VPS53: variants seen among roughly 807,000 people sequenced by gnomAD.
VPS53 encodes vacuolar protein sorting-associated protein 53 homolog.
A neutral mutation model predicts 107.0 loss-of-function variants in VPS53; 70 were observed. The ratio of observed to expected loss-of-function variants is 0.65; its 90% CI spans 0.54 to 0.80. The LOEUF (loss-of-function observed/expected upper bound fraction) is 0.80. VPS53 is among the 30% of genes least tolerant of loss of function. VPS53 has a pLI of 0.00. For synonymous variants in VPS53, 409 were observed against 393.3 expected (o/e 1.04, Z -0.47); for missense variants, 917 against 1,049.4 (o/e 0.87, Z 1.74).
intron 13 of VPS53, among the ~76,000 whole-genome samples, chr17:578,307 A>G (rs1354221875): frequency 6.6e-6 from 1 of 151,066 alleles, no homozygotes; most frequent in African/African-American, 2.4e-5. Context: ...ATGCGTTCCC[A>G]GAGATGCTCC....
At chr17:651,563 C>A (rs147956132) in intron 7 of VPS53, among the ~76,000 whole-genome samples, 342 of 152,320 alleles carry the variant, frequency 2.2e-3, no homozygotes, top group African/African-American at 7.8e-3. Flanking sequence ...TACACTCCAT[C>A]CTGGGTGACA....
At chr17:672,746 A>G (rs564565047) in intron 4 of VPS53, among the ~76,000 whole-genome samples, 17 of 152,332 alleles carry the variant, frequency 1.1e-4, no homozygotes, top group African/African-American at 3.8e-4. Flanking sequence ...CTAGCTAGGG[A>G]ATGTATCTTT....
At chr17:641,682 T>C (rs756217607) in intron 7 of VPS53, among the ~76,000 whole-genome samples, 1 of 152,172 alleles carries the variant, frequency 6.6e-6, no homozygotes, top group Non-Finnish European at 1.5e-5. Flanking sequence ...CTCAAACTCC[T>C]GGGCTCAAGC....
chr17:513,059 C>G lies in VPS53; in HGVS notation c.*6069G>C, dbSNP rs981520988. ...TCCACTGCAACTGGGCAGGTCAGGA[C>G]TGGGCTCAGTCGGCCACATTCTGCT... On this transcript the variant is annotated 3_prime_UTR_variant, in exon 22 of 22. Transcript: ENST00000437048. 1.3e-5 allele frequency: 2 copies of G among 152,318 alleles called. No individual in the cohort carries two copies. Among genetic ancestry groups the G allele is most frequent in the Non-Finnish European group, 2.9e-5 (2 of 68,126 alleles). 9.4% of individuals were successfully genotyped at this position (152,318 alleles called of 1,614,324 possible).
At chr17:551,804 A>G (rs1422128323) in intron 17 of VPS53, 68 bp downstream of exon 17, 2 of 1,370,094 alleles carry the variant, frequency 1.5e-6, no homozygotes, top group Non-Finnish European at 2.0e-6. Context: ...AGCTACAGAC[A>G]AGGGCCAGTA....
At chr17:551,716 C>G in intron 17 of VPS53, 156 bp downstream of exon 17, 1 of 526,248 alleles carries the variant, frequency 1.9e-6, no homozygotes, top group Non-Finnish European at 3.2e-6. Context: ...AGGTGCGACA[C>G]TAACTGAGTG....
Position 630,011 on chromosome 17 carries a change from T to C in VPS53, c.687+1539A>G, listed in dbSNP as rs1006248827. Among the ~76,000 whole-genome samples, 12 of 151,488 alleles carry C rather than the reference T, an allele frequency of 7.9e-5. 2 individuals are homozygous for C. Among genetic ancestry groups the C allele is most frequent in the Non-Finnish European group, 1.6e-4 (11 of 67,814 alleles). On this transcript the variant is annotated intron_variant, in intron 8 of 21. Transcript: ENST00000437048. ...TGAAACTTCTAGAAACTGAAATGAG[T>C]GGCTGGGCATGGTGGCTCATGCCTG...
At chr17:655,777 A>G in intron 6 of VPS53, 61 bp downstream of exon 6, 1 of 1,467,198 alleles carries the variant, frequency 6.8e-7, no homozygotes, top group Non-Finnish European at 9.4e-7. Flanking sequence ...AGGCGACAAC[A>G]CCATTTTCTC....
At chr17:647,762 T>C (rs956685731) in intron 7 of VPS53, among the ~76,000 whole-genome samples, 1 of 152,118 alleles carries the variant, frequency 6.6e-6, no homozygotes, top group African/African-American at 2.4e-5. Flanking sequence ...CAACCTCCCA[T>C]TCCTGCCCCG....
At chr17:614,259 T>G (rs1227288382) in intron 11 of VPS53, among the ~76,000 whole-genome samples, 1 of 152,184 alleles carries the variant, frequency 6.6e-6, no homozygotes, top group Non-Finnish European at 1.5e-5. Context: ...ATAAATTTCA[T>G]GTGACATTTC....
At chr17:605,137 TG>T (rs766658095) in intron 11 of VPS53, among the ~76,000 whole-genome samples, 3 of 152,134 alleles carry the variant, frequency 2.0e-5, no homozygotes, top group Non-Finnish European at 4.4e-5. Context: ...GAACAGCACG[TG>T]TCTGCCGCTC....
chr17:569,900 C>T (rs905256532), intron 13 of VPS53, among the ~76,000 whole-genome samples: 24 of 145,362 alleles, frequency 1.7e-4, no homozygotes, highest in African/African-American at 6.1e-4. Flanking sequence ...CAAGACTCTG[C>T]CTCAAAAAAA....
intron 13 of VPS53, 108 bp from the exon 14 acceptor site, chr17:562,853 C>A: frequency 7.8e-7 from 1 of 1,284,148 alleles, no homozygotes; most frequent in Non-Finnish European, 1.1e-6. Flanking sequence ...ATCATTCCTA[C>A]TGCATTTAAA....
rs1206027278 is a variant in VPS53 at position 511,038 on chromosome 17, G to C, written c.*8090C>G. On this transcript the variant is annotated 3_prime_UTR_variant, in exon 22 of 22. Coordinates refer to ENST00000437048, the MANE Select transcript of VPS53 (RefSeq NM_001128159.3). The stretch of plus-strand genomic sequence containing the variant: ...GTTTCTTTATACAGCATTTGATATT[G>C]GGTGTAGGTATGAGGCTGTGGGGGA... 1 of 152,140 alleles carries C rather than the reference G, an allele frequency of 6.6e-6. No individual in the cohort carries two copies. The highest frequency in any genetic ancestry group is 1.9e-4 in the East Asian group (1 of 5,196). 9.4% of individuals were successfully genotyped at this position (152,140 alleles called of 1,614,324 possible).
chr17:602,828 AC>A (rs577061366), intron 11 of VPS53, among the ~76,000 whole-genome samples: 1 of 152,152 alleles, frequency 6.6e-6, no homozygotes, highest in Non-Finnish European at 1.5e-5. Context: ...TACAGTTTTC[AC>A]CTAGAGATGT....
intron 7 of VPS53, among the ~76,000 whole-genome samples, chr17:633,035 GA>G: frequency 6.6e-6 from 1 of 152,330 alleles, no homozygotes; most frequent in Middle Eastern, 3.4e-3. Context: ...AAACCAGCTA[GA>G]AAGGGGAGGC....
In VPS53 at chr17:553,388, C is replaced by A. The variant is rs142042031; in HGVS notation, c.1779G>T (p.Thr593=). The A allele has an allele frequency of 2.2e-5, 36 of 1,614,024 alleles. No homozygotes were observed. Among genetic ancestry groups the A allele is most frequent in the Non-Finnish European group, 3.1e-5 (36 of 1,179,984 alleles). The change falls in exon 16 of 22, where the codon ACG becomes ACT. Residue 593 remains threonine, a synonymous_variant. Transcript: ENST00000437048. ...GTGTGCAGGGTACATACGTGCTGAACGTGTCCATCTCTCCAGTCAGATTGA... is the reference window on the plus strand; with the variant it reads ...GTGTGCAGGGTACATACGTGCTGAAAGTGTCCATCTCTCCAGTCAGATTGA... ...ERINLTGEMD[T]FSTVISSSIQ...
At chr17:592,925 T>A (rs1967744247) in intron 12 of VPS53, among the ~76,000 whole-genome samples, 1 of 152,218 alleles carries the variant, frequency 6.6e-6, no homozygotes, top group African/African-American at 2.4e-5. Context: ...TGAATCTGAA[T>A]GTTGGCCTGC....
At chr17:607,526 C>T (rs1567670972) in intron 11 of VPS53, among the ~76,000 whole-genome samples, 1 of 152,196 alleles carries the variant, frequency 6.6e-6, no homozygotes, top group Non-Finnish European at 1.5e-5. Context: ...CATAACGCAG[C>T]CTTCTGTGCT....
Sources: gnomAD v4.1 joint callset for allele counts (sites outside exome capture counted in the v4.1 genomes callset) on GRCh38, gnomAD v4.1.1 for gene constraint, MANE v1.5 for transcripts, NCBI Gene and HGNC (gene_info 2026-07-23, HGNC 2026-07-21) for gene names.